The following INTS10 variants were observed in gnomAD, a reference collection of about 807,000 sequenced individuals.
The protein encoded by INTS10 is integrator complex subunit 10, also known as chromosome 8 open reading frame 35.
A neutral mutation model predicts 94.4 loss-of-function variants in INTS10; 44 were observed. The ratio of observed to expected loss-of-function variants is 0.47; its 90% CI spans 0.37 to 0.60. INTS10 has a LOEUF of 0.60. INTS10 is among the 20% of genes least tolerant of loss of function. The probability of loss-of-function intolerance (pLI) is 0.00; values close to 1 mark genes in which losing one functional copy is unlikely to be tolerated. For missense variants in INTS10, 797 were observed against 868.7 expected, an observed-to-expected ratio of 0.92 and a Z score of 1.04; for synonymous variants, 341 against 320.7, an observed-to-expected ratio of 1.06 and a Z score of -0.68.
At chr8:19,842,815 A>G (rs748183154) in intron 13 of INTS10, 33 bp from the exon 14 acceptor site, 5 of 1,466,026 alleles carry the variant, frequency 3.4e-6, no homozygotes, top group Admixed American at 3.5e-5. Context: ...TGATAATAAC[A>G]TACATTAACC....
chr8:19,831,032 T>C (rs2067189900), intron 10 of INTS10, among the ~76,000 whole-genome samples: 3 of 152,226 alleles, frequency 2.0e-5, no homozygotes, highest in Middle Eastern at 3.2e-3. Context: ...CCAAAAACTA[T>C]AGGAAGCCTA....
At position 19,846,433 on chromosome 8, in the gene INTS10, C is replaced by CAAA. The variant is rs71205949; in HGVS notation, c.1976+645_1976+647dup. On this transcript the variant is annotated intron_variant, in intron 16 of 16. Coordinates refer to ENST00000397977, the MANE Select transcript of INTS10 (RefSeq NM_018142.4). The surrounding 1 kb of genome is among the most constrained non-coding windows in gnomAD (Gnocchi z 4.2). ...GGGCAACAAGAGTGAAACTCCATCTCAAAAAAAAAAACAAACAAACAAAAC... is the reference window on the plus strand; with the variant it reads ...GGGCAACAAGAGTGAAACTCCATCTCAAAAAAAAAAAAAACAAACAAACAAAAC... Among the ~76,000 whole-genome samples, 799 of 147,722 alleles carry CAAA rather than the reference C, an allele frequency of 5.4e-3. 6 individuals are homozygous for CAAA. The highest frequency in any genetic ancestry group is 0.019 in the African/African-American group (754 of 40,000).
intron 15 of INTS10, among the ~76,000 whole-genome samples, chr8:19,844,528 G>C (rs1325353011): frequency 6.6e-6 from 1 of 152,198 alleles, no homozygotes; most frequent in Non-Finnish European, 1.5e-5. Flanking sequence ...GTTGCTGATA[G>C]GTCCAGCTTG....
Position 19,824,945 on chromosome 8 carries a change from A to G in INTS10, c.979A>G (p.Asn327Asp). ...CTTTAAGAATGCATTCCAGTATGTC[A>G]ACAGCATACAGCCATCTCTCTTCCA... ...VFFKNAFQYV[N>D]SIQPSLFQGP... is the part of the protein sequence containing the mutation. The change falls in exon 8 of 17, where the codon AAC (asparagine) becomes GAC (aspartate). Residue 327 changes from asparagine (N) to aspartate (D), a missense_variant. Coordinates refer to ENST00000397977, the MANE Select transcript of INTS10 (RefSeq NM_018142.4). 1 of 1,614,010 alleles carries G rather than the reference A, an allele frequency of 6.2e-7. No individual in the cohort carries two copies.
Position 19,829,772 on chromosome 8 carries a change from A to T in INTS10, c.1141-634A>T, listed in dbSNP as rs543470219. ...CAACCTCTGCCTCCCGGGCTTAAGA[A>T]ATTCTTGTGTCTCAACCTCCTGAGT... On this transcript the variant is annotated intron_variant, in intron 9 of 16. Transcript: ENST00000397977. Among the ~76,000 whole-genome samples the T allele has an allele frequency of 2.6e-5, 4 of 152,196 alleles. No individual in the cohort carries two copies. The East Asian group carries it at 7.7e-4, about 29-fold the overall frequency.
intron 13 of INTS10, among the ~76,000 whole-genome samples, chr8:19,842,172 A>G (rs1319073882): frequency 1.3e-5 from 2 of 152,232 alleles, no homozygotes; most frequent in African/African-American, 4.8e-5. Flanking sequence ...GGAAATGTCA[A>G]TATCCTCTGT....
At chr8:19,824,190 C>T in intron 7 of INTS10, 146 bp downstream of exon 7, 1 of 607,696 alleles carries the variant, frequency 1.6e-6, no homozygotes, top group Non-Finnish European at 2.8e-6. Context: ...GATGGTTTTT[C>T]ATTTTATCAA....
rs370410188 is a variant in INTS10, at chr8:19,818,407, T to C, written c.197+65T>C. 31 of 1,513,134 alleles carry C rather than the reference T, an allele frequency of 2.0e-5. No individual in the cohort carries two copies. In the African/African-American group the frequency reaches 4.1e-4, roughly 20 times the overall value. The allele number at this position is 1,513,134 out of a possible 1,614,324, so 93.7% of individuals were successfully genotyped here. A position where few individuals can be genotyped will look rare whatever the true frequency, so the allele number is the denominator to read the frequency against. ...CTCTCCATGAGGTTTTGTTTCTCTC[T>C]GCAGAAGTGGGAGTTGGGGGAAGAT... On this transcript the variant is annotated intron_variant, in intron 2 of 16. Transcript: ENST00000397977.
rs779466093 is a variant in INTS10 at position 19,823,911 on chromosome 8, C to T, written c.703C>T (p.Arg235Cys). 3.1e-6 allele frequency: 5 copies of T among 1,611,674 alleles called. No individual in the cohort carries two copies. Among genetic ancestry groups the T allele is most frequent in the African/African-American group, 1.3e-5 (1 of 74,810 alleles). Residue 235 changes from arginine to cysteine, a missense_variant, in exon 7 of 17, where the codon CGT becomes TGT. Coordinates refer to ENST00000397977, the MANE Select transcript of INTS10 (RefSeq NM_018142.4). Reference protein sequence around the residue: ...DTSDLMSPSKRSSQKYIIEGL... With the variant: ...DTSDLMSPSKCSSQKYIIEGL... ...ATCTGATTTAATGTCACCTAGCAAA[C>T]GTAGCTCTCAGAAGTACATAATAGA...
intron 13 of INTS10, 67 bp downstream of exon 13, chr8:19,837,227 A>T: frequency 1.0e-6 from 1 of 991,410 alleles, no homozygotes; most frequent in Non-Finnish European, 1.6e-6. Flanking sequence ...GGTGGCTCAC[A>T]CTTGTAATCT....
chr8:19,830,855 G>A (rs2067174016), intron 10 of INTS10, among the ~76,000 whole-genome samples: 1 of 152,116 alleles, frequency 6.6e-6, no homozygotes. Context: ...TGTATTTTTA[G>A]TAGAGACGGG....
intron 12 of INTS10, 21 bp downstream of exon 12, chr8:19,833,342 T>G: frequency 6.6e-7 from 1 of 1,515,668 alleles, no homozygotes; most frequent in Non-Finnish European, 8.9e-7. Context: ...CACACATACA[T>G]GCCTGCCGCA....
chr8:19,819,150 C>A (rs1304202953), intron 2 of INTS10, among the ~76,000 whole-genome samples: 1 of 151,984 alleles, frequency 6.6e-6, no homozygotes, highest in East Asian at 1.9e-4. Flanking sequence ...CTTTTTAGTT[C>A]TTGTCACTGT....
At chr8:19,826,747 G>A (rs575318287) in intron 9 of INTS10, among the ~76,000 whole-genome samples, 188 bp downstream of exon 9, 277 of 152,282 alleles carry the variant, frequency 1.8e-3, no homozygotes, top group Middle Eastern at 0.017. Flanking sequence ...ATTTGGCAAT[G>A]TCTGGAGACA....
Position 19,823,882 on chromosome 8 carries a change from A to G in INTS10, c.674A>G (p.Asp225Gly). Reference protein sequence around the residue: ...QIENQHQGAQDTSDLMSPSKR... With the variant: ...QIENQHQGAQGTSDLMSPSKR... ...TTTTCTTACATCTCAGGCGCCCAGG[A>G]TACATCTGATTTAATGTCACCTAGC... Residue 225 changes from aspartate to glycine, a missense_variant, in exon 7 of 17, where the codon GAT (aspartate) becomes GGT (glycine). This residue lies in a region of INTS10 where 734 missense variants were observed against 787.8 expected (regional missense o/e 0.93). Transcript: ENST00000397977. 1 of 1,603,938 alleles carries G rather than the reference A, an allele frequency of 6.2e-7. No homozygotes were observed.
intron 11 of INTS10, among the ~76,000 whole-genome samples, chr8:19,832,876 T>C (rs1183024559): frequency 6.6e-6 from 1 of 152,156 alleles, no homozygotes; most frequent in African/African-American, 2.4e-5. Context: ...AAATGTTATA[T>C]CCAAATGTGC....
intron 16 of INTS10, 189 bp downstream of exon 16, chr8:19,845,986 C>T (rs2068547564): frequency 4.2e-6 from 2 of 479,700 alleles, no homozygotes; most frequent in Non-Finnish European, 7.5e-6. Context: ...TTTCTTAAAA[C>T]ACTTTGCTTA....
intron 6 of INTS10, 48 bp from the exon 7 acceptor site, chr8:19,823,825 C>T: frequency 2.1e-6 from 3 of 1,448,792 alleles, no homozygotes; most frequent in Non-Finnish European, 2.8e-6. Flanking sequence ...ACCATGTCAA[C>T]AGTAAGTCAT....
rs368820204 is a variant in INTS10 at position 19,844,326 on chromosome 8, G to T, written c.1882+88G>T. The T allele has an allele frequency of 1.3e-5, 13 of 996,240 alleles. No individual in the cohort carries two copies. The African/African-American group carries it at 2.0e-4, about 15-fold the overall frequency. The allele number at this position is 996,240 out of a possible 1,614,324, so 61.7% of individuals were successfully genotyped here. A position where few individuals can be genotyped will look rare whatever the true frequency, so the allele number is the denominator to read the frequency against. ...GAAAAAGAATGAACCATTCTGGATAGAAATAATGATTTTTACTATTTTGCA... is the reference window on the plus strand; with the variant it reads ...GAAAAAGAATGAACCATTCTGGATATAAATAATGATTTTTACTATTTTGCA... On this transcript the variant is annotated intron_variant, in intron 15 of 16. Coordinates refer to ENST00000397977, the MANE Select transcript of INTS10 (RefSeq NM_018142.4).
Sources: gnomAD v4.1 joint callset for allele counts (sites outside exome capture counted in the v4.1 genomes callset) on GRCh38, gnomAD v4.1.1 for gene constraint, gnomAD v4.1.1 regional missense constraint, Gnocchi (gnomAD v3.1) non-coding constraint, MANE v1.5 for transcripts, NCBI Gene and HGNC (gene_info 2026-07-23, HGNC 2026-07-21) for gene names.